CAMSAP2: variants seen among roughly 807,000 people sequenced by gnomAD.
CAMSAP2 encodes calmodulin-regulated spectrin-associated protein 2.
A neutral mutation model predicts 146.1 loss-of-function variants in CAMSAP2; 26 were observed. The ratio of observed to expected loss-of-function variants is 0.18; its 90% confidence interval spans 0.13 to 0.25. The LOEUF (loss-of-function observed/expected upper bound fraction) is 0.25, where lower values mean the gene tolerates loss of function less well. Among genes scored for constraint, CAMSAP2 ranks in the 10% least tolerant of loss-of-function variants. The pLI, the probability that CAMSAP2 is intolerant of heterozygous loss-of-function variation, is 1.00. For missense variants in CAMSAP2, 1,381 were observed against 1,759.3 expected, an observed-to-expected ratio of 0.78 and a Z score of 3.85; for synonymous variants, 499 against 596.6, an observed-to-expected ratio of 0.84 and a Z score of 2.38.
At chr1:200,803,269 T>C (rs567485529) in intron 2 of CAMSAP2, among the ~76,000 whole-genome samples, 2 of 152,322 alleles carry the variant, frequency 1.3e-5, no homozygotes, top group East Asian at 1.9e-4. Flanking sequence ...AGTTTTCTTA[T>C]CTGTAAAATA....
chr1:200,743,610 A>G (rs888013375), intron 1 of CAMSAP2, among the ~76,000 whole-genome samples: 1 of 151,822 alleles, frequency 6.6e-6, no homozygotes, highest in African/African-American at 2.4e-5. Context: ...GAAGTTCATG[A>G]GGTCTTGAAG....
intron 1 of CAMSAP2, among the ~76,000 whole-genome samples, chr1:200,749,155 ATGTGTCC>A (rs1251024220): frequency 6.6e-6 from 1 of 152,224 alleles, no homozygotes; most frequent in Non-Finnish European, 1.5e-5. Context: ...TATACATTTC[ATGTGTCC>A]TGTCTCTACT....
At chr1:200,813,118 C>T (rs889248232) in intron 3 of CAMSAP2, among the ~76,000 whole-genome samples, 12 of 152,206 alleles carry the variant, frequency 7.9e-5, no homozygotes, top group Non-Finnish European at 1.8e-4. Context: ...GCTGGGAATT[C>T]CCAGATCAAG....
chr1:200,850,568 A>G (rs1031284079), intron 11 of CAMSAP2, among the ~76,000 whole-genome samples: 2 of 151,944 alleles, frequency 1.3e-5, no homozygotes, highest in African/African-American at 2.4e-5. Context: ...TAACACTGCC[A>G]TTTTTTTTAA....
chr1:200,784,113 G>A (rs1244115088), intron 2 of CAMSAP2, among the ~76,000 whole-genome samples: 3 of 151,824 alleles, frequency 2.0e-5, no homozygotes, highest in African/African-American at 7.3e-5. Context: ...GACTGACGTC[G>A]ACACCTGTGT....
At chr1:200,746,295 T>C (rs925102590) in intron 1 of CAMSAP2, among the ~76,000 whole-genome samples, 3 of 152,128 alleles carry the variant, frequency 2.0e-5, no homozygotes, top group Admixed American at 1.3e-4. Flanking sequence ...TGAATGTGGA[T>C]GGTAGTGGTG....
intron 3 of CAMSAP2, among the ~76,000 whole-genome samples, chr1:200,808,747 TTAAA>T (rs1666247023): frequency 6.6e-6 from 1 of 152,218 alleles, no homozygotes. Context: ...CCCACTTGCT[TTAAA>T]TAATAATTTT....
intron 4 of CAMSAP2, among the ~76,000 whole-genome samples, chr1:200,818,271 T>A (rs1341858546): frequency 1.3e-5 from 2 of 152,188 alleles, no homozygotes; most frequent in Non-Finnish European, 2.9e-5. Context: ...AAATGCCATT[T>A]GTATTTCAAA....
Position 200,850,040 on chromosome 1 carries a change from A to C in CAMSAP2, c.3271A>C (p.Asn1091His), listed in dbSNP as rs1359809922. 1 of 1,612,802 alleles carries C rather than the reference A, an allele frequency of 6.2e-7. No homozygotes were observed. The highest frequency in any genetic ancestry group is 8.5e-7 in the Non-Finnish European group (1 of 1,179,418). ...VCLTPNEDQLNQPTEPPPKPV... is the reference protein window; with the variant it reads ...VCLTPNEDQLHQPTEPPPKPV... Reference sequence around the variant, plus strand: ...TCTGACACCAAATGAGGACCAATTGAATCAACCCACAGAACCCCCTCCTAA... The same window carrying C: ...TCTGACACCAAATGAGGACCAATTGCATCAACCCACAGAACCCCCTCCTAA... Residue 1091 changes from asparagine to histidine, a missense_variant, in exon 11 of 17, where the codon AAT becomes CAT. Asn to His is a moderately conservative substitution (Grantham distance 68, BLOSUM62 1). This residue lies in a region of CAMSAP2 where 560 missense variants were observed against 715.9 expected (regional missense o/e 0.78). Coordinates refer to ENST00000358823, the MANE Select transcript of CAMSAP2 (RefSeq NM_203459.4).
intron 2 of CAMSAP2, among the ~76,000 whole-genome samples, chr1:200,765,328 C>T (rs1319107395): frequency 6.6e-6 from 1 of 152,088 alleles, no homozygotes; most frequent in Non-Finnish European, 1.5e-5. Context: ...CTCCCAAGTT[C>T]AAGCAATTCT....
chr1:200,784,415 G>A (rs1665528889), intron 2 of CAMSAP2, among the ~76,000 whole-genome samples: 1 of 151,840 alleles, frequency 6.6e-6, no homozygotes, highest in African/African-American at 2.4e-5. Context: ...GTGAAAACAT[G>A]GTTTCTCTTC....
At chr1:200,741,487 C>T (rs1483449975) in intron 1 of CAMSAP2, among the ~76,000 whole-genome samples, 1 of 152,122 alleles carries the variant, frequency 6.6e-6, no homozygotes, top group African/African-American at 2.4e-5. Flanking sequence ...CAAATCAAGG[C>T]TATTTAAGTG....
chr1:200,744,044 T>A (rs1403687305), intron 1 of CAMSAP2, among the ~76,000 whole-genome samples: 1 of 152,232 alleles, frequency 6.6e-6, no homozygotes, highest in Non-Finnish European at 1.5e-5. Context: ...ACTGTATCAT[T>A]TAAATCCTCA....
chr1:200,829,110 G>A (rs945286884), intron 4 of CAMSAP2, among the ~76,000 whole-genome samples: 14 of 152,116 alleles, frequency 9.2e-5, no homozygotes, highest in African/African-American at 1.7e-4. Context: ...AGCCGAGATC[G>A]CGCCATTGCA....
chr1:200,814,108 C>A (rs1260152691), intron 3 of CAMSAP2, among the ~76,000 whole-genome samples: 104 of 28,570 alleles, frequency 3.6e-3, no homozygotes, highest in African/African-American at 8.0e-3. Context: ...ACTGTGTTTC[C>A]AAAAAAAAAA....
chr1:200,810,004 C>G (rs910371980), intron 3 of CAMSAP2, among the ~76,000 whole-genome samples: 1 of 152,188 alleles, frequency 6.6e-6, no homozygotes, highest in African/African-American at 2.4e-5. Context: ...TGGGTCTGCT[C>G]TCATAACCCA....
At chr1:200,796,258 A>T (rs964919827) in intron 2 of CAMSAP2, among the ~76,000 whole-genome samples, 12 of 152,088 alleles carry the variant, frequency 7.9e-5, no homozygotes, top group African/African-American at 2.4e-4. Flanking sequence ...GTTAAACAAA[A>T]TTTTTTGTGT....
At chr1:200,844,327 A>G (rs1667405666) in intron 7 of CAMSAP2, among the ~76,000 whole-genome samples, 1 of 151,960 alleles carries the variant, frequency 6.6e-6, no homozygotes, top group African/African-American at 2.4e-5. Context: ...AGGCGGGCAG[A>G]TCACAAGGTC....
In CAMSAP2 at chr1:200,761,070, G is replaced by A. The variant is rs199673673; in HGVS notation, c.371G>A (p.Arg124Gln). 4.3e-5 allele frequency: 69 copies of A among 1,613,946 alleles called. No homozygotes were observed. The highest frequency in any genetic ancestry group is 5.3e-5 in the Non-Finnish European group (62 of 1,179,996). ...VTDQEKLVTERDLHKKPIQMS... is the reference protein window; with the variant it reads ...VTDQEKLVTEQDLHKKPIQMS... ...GACCAGGAAAAATTGGTAACTGAAC[G>A]AGATCTCCACAAGAAACCCATACAG... is the stretch of plus-strand genomic sequence containing the variant. Residue 124 changes from arginine (R) to glutamine (Q), a missense_variant, in exon 2 of 17, where the codon CGA becomes CAA. By Grantham distance (43) the Arg-to-Gln change is conservative. Transcript: ENST00000358823.
Sources: allele counts gnomAD v4.1 joint callset (sites outside exome capture counted in the v4.1 genomes callset), GRCh38; gene constraint gnomAD v4.1.1; regional missense constraint gnomAD v4.1.1; transcripts MANE v1.5; gene names NCBI Gene and HGNC (gene_info 2026-07-23, HGNC 2026-07-21).